ENTPD4: variants seen among roughly 807,000 people sequenced by gnomAD.
ENTPD4 encodes the protein ectonucleoside triphosphate diphosphohydrolase 4.
ENTPD4 carries 60 observed loss-of-function variants against 79.1 expected under a neutral mutation model. The observed-to-expected ratio is 0.76, with a 90% CI of 0.62 to 0.94. The LOEUF is 0.94. ENTPD4 is among the 40% of genes least tolerant of loss of function. The pLI is 0.00. For missense variants in ENTPD4, 772 were observed against 775.1 expected (o/e 1.00, Z 0.05); for synonymous variants, 276 against 292.0 (o/e 0.95, Z 0.56).
At chr8:23,447,965 C>A in intron 3 of ENTPD4, 80 bp from the exon 4 acceptor site, 1 of 1,135,466 alleles carries the variant, frequency 8.8e-7, no homozygotes. Context: ...CAGCAAATAC[C>A]AAGTCAGTAA....
Position 23,441,442 on chromosome 8 carries a change from G to A in ENTPD4, c.882+127C>T, listed in dbSNP as rs535437095. The A allele has an allele frequency of 8.8e-5, 131 of 1,492,994 alleles. 1 individual carries two copies. The East Asian group carries it at 2.4e-3, about 28-fold the overall frequency. The allele number at this position is 1,492,994 out of a possible 1,614,324, so 92.5% of individuals were successfully genotyped here. A position where few individuals can be genotyped will look rare whatever the true frequency, so the allele number is the denominator to read the frequency against. The stretch of plus-strand genomic sequence containing the variant: ...TGTTCGTCCTGTCTCCTTTCTCCTG[G>A]GTTGAGAGGCGGCACCTCAGCCAGC... On this transcript the variant is annotated intron_variant, in intron 8 of 12. Coordinates refer to ENST00000358689, the MANE Select transcript of ENTPD4 (RefSeq NM_004901.5).
chr8:23,437,019 C>A lies in ENTPD4; in HGVS notation c.1289G>T (p.Gly430Val). 1 of 1,614,090 alleles carries A rather than the reference C, an allele frequency of 6.2e-7. No homozygotes were observed. Among genetic ancestry groups the A allele is most frequent in the Middle Eastern group, 1.6e-4 (1 of 6,062 alleles). The change falls in exon 10 of 13, where the codon GGC (glycine) becomes GTC (valine). Residue 430 changes from glycine (G) to valine (V), a missense_variant. By Grantham distance (109) the Gly-to-Val change is moderately radical. Coordinates refer to ENST00000358689, the MANE Select transcript of ENTPD4 (RefSeq NM_004901.5). ...PIHFQNSEFYGFSEFYYCTED... is the reference protein window; with the variant it reads ...PIHFQNSEFYVFSEFYYCTED... ...GGTGCAGTAGTAGAATTCGGAGAAG[C>A]CATAGAATTCACTGTTCTGGAAGTG...
chr8:23,443,711 T>A, intron 6 of ENTPD4, 139 bp downstream of exon 6: 1 of 562,726 alleles, frequency 1.8e-6, no homozygotes, highest in Non-Finnish European at 3.2e-6. Context: ...ATTTAGTAAT[T>A]TAAAAATTGT....
chr8:23,435,541 TG>T (rs1800542314), intron 10 of ENTPD4, 64 bp from the exon 11 acceptor site: 11 of 1,202,270 alleles, frequency 9.1e-6, no homozygotes, highest in Non-Finnish European at 1.2e-5. Context: ...ACTTTAAAAA[TG>T]GTTTACCAAA....
intron 4 of ENTPD4, among the ~76,000 whole-genome samples, chr8:23,447,190 T>TA (rs1256398531): frequency 2.6e-5 from 4 of 152,214 alleles, no homozygotes; most frequent in Admixed American, 2.6e-4. Flanking sequence ...ACAGTATCTT[T>TA]AAAAACTATA....
intron 1 of ENTPD4, among the ~76,000 whole-genome samples, chr8:23,453,714 G>A (rs1269343005): frequency 6.6e-6 from 1 of 152,102 alleles, no homozygotes; most frequent in Non-Finnish European, 1.5e-5. Context: ...ACCTTCTGGG[G>A]GTACTGGGGT....
chr8:23,453,287 GA>G (rs567585423), intron 1 of ENTPD4, among the ~76,000 whole-genome samples: 5 of 150,286 alleles, frequency 3.3e-5, no homozygotes, highest in African/African-American at 1.2e-4. Flanking sequence ...AAAGTAAAAA[GA>G]AAAAAAAATC....
intron 1 of ENTPD4, among the ~76,000 whole-genome samples, chr8:23,456,054 T>C (rs984450254): frequency 6.6e-5 from 10 of 152,260 alleles, no homozygotes; most frequent in Non-Finnish European, 7.3e-5. Flanking sequence ...AGCAACTCTT[T>C]GTAAAACACG....
At position 23,443,878 on chromosome 8, in the gene ENTPD4, A is replaced by G. The variant is rs766376448; in HGVS notation, c.639T>C (p.His213=). The part of the protein sequence containing the change: ...VHFDFLFSDS[H]AEVISGKQEG... ...CTTGTTTCCCAGAAATTACTTCTGC[A>G]TGAGAGTCAGAAAACAGAAAGTCAA... is the stretch of plus-strand genomic sequence containing the variant. Residue 213 remains histidine, a synonymous_variant, in exon 6 of 13, where the codon CAT becomes CAC. Transcript: ENST00000358689. 1 of 1,613,220 alleles carries G rather than the reference A, an allele frequency of 6.2e-7. No individual in the cohort carries two copies. The highest frequency in any genetic ancestry group is 1.7e-5 in the Admixed American group (1 of 60,000).
chr8:23,455,717 C>G (rs1400600532), intron 1 of ENTPD4, among the ~76,000 whole-genome samples: 1 of 152,172 alleles, frequency 6.6e-6, no homozygotes, highest in East Asian at 1.9e-4. Context: ...TCCAGTTCCA[C>G]GTTCCAAGCT....
rs925532444 is a variant in ENTPD4, at chr8:23,432,079, G to A, written c.*847C>T. On this transcript the variant is annotated 3_prime_UTR_variant, in exon 13 of 13. Transcript: ENST00000358689. ...CTTTTATAAATGGTTATCTCCTGGT[G>A]CCCATGTTTCTCTGTTTTGGATATA... The A allele has an allele frequency of 3.5e-5, 34 of 984,992 alleles. No individual in the cohort carries two copies. Among genetic ancestry groups the A allele is most frequent in the Non-Finnish European group, 4.1e-5 (34 of 829,832 alleles). 61.0% of individuals were successfully genotyped at this position (984,992 alleles called of 1,614,324 possible). A position where few individuals can be genotyped will look rare whatever the true frequency, so the allele number is the denominator to read the frequency against.
Position 23,432,977 on chromosome 8 carries a change from G to A in ENTPD4, c.1800C>T (p.Ala600=), listed in dbSNP as rs753880920. 9.3e-6 allele frequency: 15 copies of A among 1,613,326 alleles called. No homozygotes were observed. The highest frequency in any genetic ancestry group is 1.2e-5 in the Non-Finnish European group (14 of 1,179,636). Residue 600 remains alanine (A), a synonymous_variant, in exon 13 of 13, where the codon GCC becomes GCT. Transcript: ENST00000358689. ...CGGGAAGGCCCTCCTCCATCCAGAGGGCGGCGGCCGAGCTGCTCCGGGGAG... is the reference window on the plus strand; with the variant it reads ...CGGGAAGGCCCTCCTCCATCCAGAGAGCGGCGGCCGAGCTGCTCCGGGGAG... ...RRTPRSSSAA[A]LWMEEGLPAQ... is the part of the protein sequence containing the mutation.
chr8:23,447,269 G>A lies in ENTPD4; in HGVS notation c.412+411C>T, dbSNP rs1304500543. 2.6e-5 allele frequency among the ~76,000 whole-genome samples: 4 copies of A among 152,176 alleles called. No individual in the cohort carries two copies. The East Asian group carries it at 5.8e-4, about 22-fold the overall frequency. On this transcript the variant is annotated intron_variant, in intron 4 of 12. Coordinates refer to ENST00000358689, the MANE Select transcript of ENTPD4 (RefSeq NM_004901.5). ...ATAATCTAGATGACTAGAACTACAT[G>A]TGGCCAGCAATTTTTAAAAGTGACA...
At chr8:23,442,211 G>T in intron 6 of ENTPD4, 145 bp from the exon 7 acceptor site, 1 of 591,024 alleles carries the variant, frequency 1.7e-6, no homozygotes, top group Non-Finnish European at 3.0e-6. Context: ...TGCTACTGAT[G>T]TTTTTATTAC....
chr8:23,448,973 C>T lies in ENTPD4; in HGVS notation c.9-34G>A, dbSNP rs768582122. 142 of 1,557,804 alleles carry T rather than the reference C, an allele frequency of 9.1e-5. 1 individual carries two copies. The South Asian group carries it at 1.5e-3, about 16-fold the overall frequency. Reference sequence around the variant, plus strand: ...AGAAGGAAAAAGATTTTAAAGCAATCTGCTCCAATGAGGCTTCCTTCACCT... The same window carrying T: ...AGAAGGAAAAAGATTTTAAAGCAATTTGCTCCAATGAGGCTTCCTTCACCT... On this transcript the variant is annotated intron_variant, in intron 2 of 12. Transcript: ENST00000358689.
Position 23,449,923 on chromosome 8 carries a change from A to T in ENTPD4, c.-23T>A. The T allele has an allele frequency of 6.2e-7, 1 of 1,614,088 alleles. No individual in the cohort carries two copies. The highest frequency in any genetic ancestry group is 1.1e-5 in the South Asian group (1 of 91,082). On this transcript the variant is annotated 5_prime_UTR_variant, in exon 2 of 13. Coordinates refer to ENST00000358689, the MANE Select transcript of ENTPD4 (RefSeq NM_004901.5). Reference sequence around the variant, plus strand: ...CATACTGAAAGGTCAGCAACAAGGCAATGCTCTGGGATTCAGTCCTTCTCA... The same window carrying T: ...CATACTGAAAGGTCAGCAACAAGGCTATGCTCTGGGATTCAGTCCTTCTCA...
chr8:23,439,762 T>C lies in ENTPD4; in HGVS notation c.1036A>G (p.Ile346Val), dbSNP rs1461937862. The change falls in exon 9 of 13, where the codon ATT (isoleucine) becomes GTT (valine). Residue 346 changes from isoleucine to valine, a missense_variant. Coordinates refer to ENST00000358689, the MANE Select transcript of ENTPD4 (RefSeq NM_004901.5). The part of the protein sequence containing the change: ...RYEDRIFANT[I>V]QKNRLLGKQT... The stretch of plus-strand genomic sequence containing the variant: ...AAGGTGCTTTACCTGTTCTTTTGAA[T>C]GGTGTTGGCAAATATTCTGTCTTCG... 6 of 1,614,096 alleles carry C rather than the reference T, an allele frequency of 3.7e-6. No individual in the cohort carries two copies. The highest frequency in any genetic ancestry group is 4.2e-6 in the Non-Finnish European group (5 of 1,180,036).
intron 1 of ENTPD4, among the ~76,000 whole-genome samples, chr8:23,456,497 A>T (rs1224851516): frequency 6.6e-6 from 1 of 152,208 alleles, no homozygotes; most frequent in African/African-American, 2.4e-5. Flanking sequence ...ATAAATGTTC[A>T]TTTTTGTCTC....
At chr8:23,445,063 T>C (rs987640187) in intron 4 of ENTPD4, among the ~76,000 whole-genome samples, 3 of 152,180 alleles carry the variant, frequency 2.0e-5, no homozygotes, top group African/African-American at 7.2e-5. Flanking sequence ...CAATGCATCA[T>C]GGCAAAATCT....
Sources: allele counts gnomAD v4.1 joint callset (sites outside exome capture counted in the v4.1 genomes callset), GRCh38; gene constraint gnomAD v4.1.1; transcripts MANE v1.5; gene names NCBI Gene and HGNC (gene_info 2026-07-23, HGNC 2026-07-21).